TOMM70: variants seen among roughly 807,000 people sequenced by gnomAD.
TOMM70 encodes the protein translocase of outer mitochondrial membrane 70.
A neutral mutation model predicts 73.6 loss-of-function variants in TOMM70; 13 were observed. The observed-to-expected ratio is 0.18, with a 90% confidence interval of 0.11 to 0.28. TOMM70 has a LOEUF of 0.28. TOMM70 is among the 10% of genes least tolerant of loss of function. The pLI is 1.00. For missense variants in TOMM70, 609 were observed against 747.5 expected (o/e 0.81, Z 2.16); for synonymous variants, 257 against 271.2 (o/e 0.95, Z 0.51).
chr3:100,398,427 ATCTT>A (rs1559836522), intron 1 of TOMM70, among the ~76,000 whole-genome samples: 1 of 151,894 alleles, frequency 6.6e-6, no homozygotes, highest in Admixed American at 6.6e-5. Context: ...TATAGAAACT[ATCTT>A]TATTTTTAAT....
At chr3:100,397,681 G>A (rs536869363) in intron 1 of TOMM70, among the ~76,000 whole-genome samples, 3 of 152,212 alleles carry the variant, frequency 2.0e-5, no homozygotes, top group African/African-American at 7.2e-5. Flanking sequence ...ACGAGGTCAG[G>A]AGTTTGAGAC....
intron 1 of TOMM70, among the ~76,000 whole-genome samples, chr3:100,398,190 C>T (rs1347961242): frequency 2.0e-5 from 3 of 151,834 alleles, no homozygotes; most frequent in Non-Finnish European, 4.4e-5. Flanking sequence ...TTGAGACCAG[C>T]CTGGCCAACC....
intron 5 of TOMM70, among the ~76,000 whole-genome samples, chr3:100,380,064 G>A (rs542925251): frequency 6.6e-6 from 1 of 152,294 alleles, no homozygotes; most frequent in Admixed American, 6.5e-5. Context: ...AACACAAACA[G>A]GCCAGGTGCA....
At chr3:100,387,634 A>ACACACACG (rs1375449314) in intron 1 of TOMM70, among the ~76,000 whole-genome samples, 2 of 113,462 alleles carry the variant, frequency 1.8e-5, no homozygotes, top group African/African-American at 7.1e-5. Context: ...ACACACACAC[A>ACACACACG]CGTATATACT....
chr3:100,371,282 T>C (rs1052510297), intron 9 of TOMM70, among the ~76,000 whole-genome samples: 2 of 135,908 alleles, frequency 1.5e-5, no homozygotes, highest in Non-Finnish European at 3.0e-5. Flanking sequence ...TTTTTTTTTT[T>C]TGGAAATGGA....
intron 7 of TOMM70, among the ~76,000 whole-genome samples, chr3:100,374,652 T>C (rs137941959): frequency 2.4e-4 from 36 of 152,338 alleles, no homozygotes; most frequent in African/African-American, 7.9e-4. Flanking sequence ...TATTTCCTTA[T>C]AGCAAGAAGC....
intron 6 of TOMM70, among the ~76,000 whole-genome samples, 158 bp from the exon 7 acceptor site, chr3:100,375,310 G>T (rs13071905): frequency 0.25 from 38,597 of 151,956 alleles, 5,593 homozygotes; most frequent in Middle Eastern, 0.39. Flanking sequence ...TAAGTTGTGT[G>T]TTGATTACCA....
chr3:100,377,972 T>A lies in TOMM70; in HGVS notation c.885-60A>T, dbSNP rs531114206. On this transcript the variant is annotated intron_variant, in intron 5 of 11. Transcript: ENST00000284320. ...TAAGAAAAAATTAAATGTGGCTGGG[T>A]GTGGTGGCTCACGCCTGTAATCCCA... The A allele has an allele frequency of 2.7e-6, 4 of 1,484,526 alleles. No individual in the cohort carries two copies. The African/African-American group carries it at 4.2e-5, about 15-fold the overall frequency. 92.0% of individuals were successfully genotyped at this position (1,484,526 alleles called of 1,614,324 possible). A position where few individuals can be genotyped will look rare whatever the true frequency, so the allele number is the denominator to read the frequency against.
intron 1 of TOMM70, among the ~76,000 whole-genome samples, chr3:100,395,700 T>TGTCAAAGGAACCCTTAATTATTA: frequency 6.6e-6 from 1 of 152,286 alleles, no homozygotes; most frequent in African/African-American, 2.4e-5. Context: ...AACTTAGGGA[T>TGTCAAAGGAACCCTTAATTATTA]GTCAAAGGAA....
chr3:100,374,350 C>T, intron 7 of TOMM70, among the ~76,000 whole-genome samples: 1 of 152,218 alleles, frequency 6.6e-6, no homozygotes, highest in East Asian at 1.9e-4. Flanking sequence ...GTCCACACAA[C>T]AAAATCGCCT....
At chr3:100,392,333 G>C (rs777079355) in intron 1 of TOMM70, among the ~76,000 whole-genome samples, 8 of 152,198 alleles carry the variant, frequency 5.3e-5, no homozygotes, top group African/African-American at 1.2e-4. Context: ...TTATTCAAGT[G>C]AGACACATGA....
intron 9 of TOMM70, among the ~76,000 whole-genome samples, chr3:100,371,505 G>A (rs1188495550): frequency 6.6e-6 from 1 of 151,924 alleles, no homozygotes; most frequent in Non-Finnish European, 1.5e-5. Flanking sequence ...TGGCTCAAGT[G>A]ATCCGCCTGC....
intron 11 of TOMM70, among the ~76,000 whole-genome samples, chr3:100,367,450 T>C (rs1706457865): frequency 6.6e-6 from 1 of 152,208 alleles, no homozygotes; most frequent in Admixed American, 6.5e-5. Flanking sequence ...AAACCCTGTC[T>C]TCTCTATTGG....
intron 11 of TOMM70, 72 bp from the exon 12 acceptor site, chr3:100,365,789 T>A: frequency 6.4e-7 from 1 of 1,559,586 alleles, no homozygotes; most frequent in Middle Eastern, 1.8e-4. Flanking sequence ...TTGTAAGTGA[T>A]GGTACATGAA....
chr3:100,377,612 T>C, intron 6 of TOMM70, 93 bp downstream of exon 6: 1 of 1,205,960 alleles, frequency 8.3e-7, no homozygotes, highest in Non-Finnish European at 1.2e-6. Flanking sequence ...CTTTGAAGAA[T>C]GGCAGTTGAA....
At chr3:100,372,744 C>T in intron 8 of TOMM70, 22 bp from the exon 9 acceptor site, 1 of 1,579,950 alleles carries the variant, frequency 6.3e-7, no homozygotes, top group Non-Finnish European at 8.7e-7. Context: ...CAAAACAGGC[C>T]TGTCAAATCA....
intron 1 of TOMM70, among the ~76,000 whole-genome samples, chr3:100,397,028 T>A (rs754631063): frequency 4.6e-5 from 7 of 152,350 alleles, no homozygotes; most frequent in Non-Finnish European, 1.0e-4. Context: ...TATTTTCTGA[T>A]ATCAAACCCT....
At chr3:100,379,415 G>A (rs1171241259) in intron 5 of TOMM70, among the ~76,000 whole-genome samples, 1 of 152,110 alleles carries the variant, frequency 6.6e-6, no homozygotes, top group African/African-American at 2.4e-5. Flanking sequence ...CCTGGGCCCA[G>A]GAGTTCAAGA....
At position 100,377,926 on chromosome 3, in the gene TOMM70, C is replaced by G; in HGVS notation, c.885-14G>C. ...AAGTATCCAGAACTGAAAATAAAAA[C>G]AAACATAGGAAATTATTTACTAAGA... On this transcript the variant is annotated splice_polypyrimidine_tract_variant and intron_variant, in intron 5 of 11. Coordinates refer to ENST00000284320, the MANE Select transcript of TOMM70 (RefSeq NM_014820.5). 6.3e-7 allele frequency: 1 copy of G among 1,599,656 alleles called. No homozygotes were observed. The highest frequency in any genetic ancestry group is 8.5e-7 in the Non-Finnish European group (1 of 1,169,768).
Sources: gnomAD v4.1 joint callset for allele counts (sites outside exome capture counted in the v4.1 genomes callset) on GRCh38, gnomAD v4.1.1 for gene constraint, MANE v1.5 for transcripts, NCBI Gene and HGNC (gene_info 2026-07-23, HGNC 2026-07-21) for gene names.